NUP35: variants seen among roughly 807,000 people sequenced by gnomAD.
The protein encoded by NUP35 is nucleoporin NUP35.
In NUP35, 25 loss-of-function variants were observed where a neutral mutation model predicts 41.5. The ratio of observed to expected loss-of-function variants is 0.60; its 90% CI spans 0.44 to 0.84. The LOEUF (loss-of-function observed/expected upper bound fraction) is 0.84, where lower values mean the gene tolerates loss of function less well. Among genes scored for constraint, NUP35 ranks in the 40% least tolerant of loss-of-function variants. NUP35 has a pLI of 0.00. For missense variants in NUP35, 396 were observed against 396.6 expected (o/e 1.00, Z 0.01); for synonymous variants, 149 against 130.7 (o/e 1.14, Z -0.96).
intron 4 of NUP35, among the ~76,000 whole-genome samples, chr2:183,143,530 G>A (rs780673332): frequency 6.6e-6 from 1 of 152,142 alleles, no homozygotes; most frequent in Non-Finnish European, 1.5e-5. Context: ...CCTTTTCAAT[G>A]TGCAGATTTT....
chr2:183,127,475 G>A (rs1235509283), intron 1 of NUP35, among the ~76,000 whole-genome samples: 1 of 151,986 alleles, frequency 6.6e-6, no homozygotes, highest in Non-Finnish European at 1.5e-5. Flanking sequence ...ATAAGTTTTC[G>A]ACTCTTTTCA....
At chr2:183,151,426 AT>A in intron 4 of NUP35, 81 bp from the exon 5 acceptor site, 1 of 1,350,678 alleles carries the variant, frequency 7.4e-7, no homozygotes, top group Non-Finnish European at 1.0e-6. Context: ...ATTAGACTTT[AT>A]CATTTAAAAC....
chr2:183,143,099 T>G (rs1575125381), intron 4 of NUP35, among the ~76,000 whole-genome samples: 1 of 146,266 alleles, frequency 6.8e-6, no homozygotes, highest in African/African-American at 2.6e-5. Context: ...GAGCTTGCAG[T>G]GAGCTGAGAT....
intron 4 of NUP35, among the ~76,000 whole-genome samples, chr2:183,144,222 C>T (rs1343921145): frequency 6.6e-6 from 1 of 152,166 alleles, no homozygotes; most frequent in African/African-American, 2.4e-5. Flanking sequence ...ATCCTCCCAG[C>T]GTCAATGTAT....
rs1575110323 is a variant in NUP35 at position 183,125,047 on chromosome 2, G to T, written c.40+550G>T. Among the ~76,000 whole-genome samples, 8 of 152,032 alleles carry T rather than the reference G, an allele frequency of 5.3e-5. 1 individual carries two copies. The highest frequency in any genetic ancestry group is 5.2e-4 in the Admixed American group (8 of 15,296). On this transcript the variant is annotated intron_variant, in intron 1 of 8. Transcript: ENST00000295119. Reference sequence around the variant, plus strand: ...TGAATCGTGCAACATTTAATCAACCGTGTGGTTGGTAATCATTGAGATATT... The same window carrying T: ...TGAATCGTGCAACATTTAATCAACCTTGTGGTTGGTAATCATTGAGATATT...
intron 4 of NUP35, 139 bp downstream of exon 4, chr2:183,133,762 A>G: frequency 1.8e-6 from 1 of 547,084 alleles, no homozygotes; most frequent in East Asian, 3.5e-5. Flanking sequence ...TGAATTTAAT[A>G]TAAAATGTTT....
chr2:183,139,757 G>A (rs1423480067), intron 4 of NUP35, among the ~76,000 whole-genome samples: 1 of 152,206 alleles, frequency 6.6e-6, no homozygotes, highest in Non-Finnish European at 1.5e-5. Flanking sequence ...GGTGGAGGAG[G>A]CAAGCGGCAA....
At chr2:183,152,143 A>G (rs189161308) in intron 5 of NUP35, among the ~76,000 whole-genome samples, 1 of 146,234 alleles carries the variant, frequency 6.8e-6, no homozygotes, top group East Asian at 2.0e-4. Context: ...ACACACACAC[A>G]CACACACACA....
intron 4 of NUP35, among the ~76,000 whole-genome samples, chr2:183,145,120 ATTAG>A (rs1685235507): frequency 6.6e-6 from 1 of 152,222 alleles, no homozygotes; most frequent in African/African-American, 2.4e-5. Flanking sequence ...AGTAACTAAA[ATTAG>A]TTAAGAGTAT....
chr2:183,155,579 C>CTTTTT (rs11393018), intron 5 of NUP35, among the ~76,000 whole-genome samples: 1 of 139,796 alleles, frequency 7.2e-6, no homozygotes, highest in African/African-American at 2.6e-5. Context: ...CATAAAATGG[C>CTTTTT]TTTTTTTTTT....
chr2:183,127,185 T>A (rs1190379050), intron 1 of NUP35, among the ~76,000 whole-genome samples: 2 of 152,216 alleles, frequency 1.3e-5, no homozygotes, highest in Non-Finnish European at 2.9e-5. Context: ...ATATCTACTC[T>A]ATAGATTGTG....
intron 4 of NUP35, among the ~76,000 whole-genome samples, chr2:183,146,954 G>A (rs1330961790): frequency 6.6e-6 from 1 of 152,074 alleles, no homozygotes; most frequent in East Asian, 1.9e-4. Context: ...ATCACATTGT[G>A]GTTTTGAATT....
At chr2:183,155,719 G>A (rs1685640756) in intron 5 of NUP35, among the ~76,000 whole-genome samples, 1 of 151,950 alleles carries the variant, frequency 6.6e-6, no homozygotes, top group South Asian at 2.1e-4. Flanking sequence ...TAACAGGCAT[G>A]AGCCAGCTTG....
At chr2:183,157,063 C>A (rs541844034) in intron 5 of NUP35, among the ~76,000 whole-genome samples, 2 of 152,098 alleles carry the variant, frequency 1.3e-5, no homozygotes, top group Non-Finnish European at 2.9e-5. Flanking sequence ...AATTCTTTAT[C>A]TTTTCATAAC....
intron 8 of NUP35, 135 bp from the exon 9 acceptor site, chr2:183,160,919 A>G (rs1386560363): frequency 1.1e-5 from 7 of 625,466 alleles, no homozygotes; most frequent in Non-Finnish European, 1.4e-5. Flanking sequence ...CGTCTCTACT[A>G]AAAATACAAA....
chr2:183,126,734 C>T (rs539444976), intron 1 of NUP35, among the ~76,000 whole-genome samples: 64 of 151,220 alleles, frequency 4.2e-4, no homozygotes, highest in African/African-American at 1.5e-3. Flanking sequence ...TGGCAGCTTT[C>T]GGATATTAAG....
At chr2:183,131,798 C>T (rs1575115887) in intron 3 of NUP35, among the ~76,000 whole-genome samples, 1 of 152,012 alleles carries the variant, frequency 6.6e-6, no homozygotes, top group Non-Finnish European at 1.5e-5. Flanking sequence ...TAAATTTCAC[C>T]TGTTTGTACT....
chr2:183,126,319 T>C (rs1372999742), intron 1 of NUP35, among the ~76,000 whole-genome samples: 3 of 152,258 alleles, frequency 2.0e-5, no homozygotes, highest in South Asian at 2.1e-4. Flanking sequence ...TTGCGCCTTC[T>C]ACTGTGTCTG....
upstream of NUP35, among the ~76,000 whole-genome samples, chr2:183,120,444 T>C (rs1700050969): frequency 3.2e-5 from 1 of 31,160 alleles, no homozygotes; most frequent in Non-Finnish European, 6.3e-5. Context: ...AGACTCCGTC[T>C]CAAAAAAAAA....
Sources: allele counts gnomAD v4.1 joint callset (sites outside exome capture counted in the v4.1 genomes callset), GRCh38; gene constraint gnomAD v4.1.1; transcripts MANE v1.5; gene names NCBI Gene and HGNC (gene_info 2026-07-23, HGNC 2026-07-21).